AGAP1: variants seen among roughly 807,000 people sequenced by gnomAD.
AGAP1 encodes the protein arf-GAP with GTPase, ANK repeat and PH domain-containing protein 1.
Under a neutral mutation model 105.3 loss-of-function variants are expected in AGAP1, and 29 were observed. The ratio of observed to expected loss-of-function variants is 0.28; its 90% CI spans 0.21 to 0.38. The LOEUF (loss-of-function observed/expected upper bound fraction) is 0.38. Among genes scored for constraint, AGAP1 ranks in the 10% least tolerant of loss-of-function variants. The pLI is 1.00. For synonymous variants in AGAP1, 509 were observed against 485.9 expected (o/e 1.05, Z -0.63); for missense variants, 998 against 1,165.1 (o/e 0.86, Z 2.09).
At chr2:235,510,509 C>G (rs1942025030) in intron 1 of AGAP1, among the ~76,000 whole-genome samples, 1 of 152,166 alleles carries the variant, frequency 6.6e-6, no homozygotes, top group African/African-American at 2.4e-5. Context: ...TGTGAACATT[C>G]ACGTGCAAGT....
At chr2:235,998,927 A>T (rs2055942370) in intron 13 of AGAP1, among the ~76,000 whole-genome samples, 2 of 149,982 alleles carry the variant, frequency 1.3e-5, no homozygotes, top group South Asian at 4.3e-4. Context: ...TAGTATGATG[A>T]TCAATATGGT....
chr2:235,571,677 C>G (rs898446831), intron 1 of AGAP1, among the ~76,000 whole-genome samples: 1 of 152,098 alleles, frequency 6.6e-6, no homozygotes, highest in Non-Finnish European at 1.5e-5. Flanking sequence ...TTAAAGGCAA[C>G]TCACCTGGGA....
In AGAP1 at chr2:235,752,148, A is replaced by G. The variant is rs143821598; in HGVS notation, c.673+1660A>G. ...AGATGAAGGGTCCCCAGGCCCGTGC[A>G]TGAGGCCAGCTGCCTGTTTTCATAA... On this transcript the variant is annotated intron_variant, in intron 6 of 17. Coordinates refer to ENST00000304032, the MANE Select transcript of AGAP1 (RefSeq NM_001037131.3). This position sits in a 1 kb window ranked among gnomAD's most constrained non-coding sequence, Gnocchi z 4.3. Among the ~76,000 whole-genome samples the G allele has an allele frequency of 4.1e-3, 619 of 152,316 alleles. 6 individuals are homozygous for G. The highest frequency in any genetic ancestry group is 0.014 in the African/African-American group (588 of 41,568).
At chr2:236,034,557 T>C (rs2057322220) in intron 13 of AGAP1, among the ~76,000 whole-genome samples, 1 of 151,920 alleles carries the variant, frequency 6.6e-6, no homozygotes. Context: ...TGTCACCAGC[T>C]CTCCAGAAAT....
intron 13 of AGAP1, among the ~76,000 whole-genome samples, chr2:235,991,482 G>A (rs2055561121): frequency 6.6e-6 from 1 of 152,196 alleles, no homozygotes; most frequent in Non-Finnish European, 1.5e-5. Flanking sequence ...GACTGAGGTG[G>A]GAAGGTCGCT....
chr2:235,793,222 C>G lies in AGAP1; in HGVS notation c.674-4537C>G, dbSNP rs903247007. 3.3e-5 allele frequency among the ~76,000 whole-genome samples: 5 copies of G among 152,156 alleles called. No homozygotes were observed. Among genetic ancestry groups the G allele is most frequent in the African/African-American group, 1.2e-4 (5 of 41,444 alleles). On this transcript the variant is annotated intron_variant, in intron 6 of 17. Coordinates refer to ENST00000304032, the MANE Select transcript of AGAP1 (RefSeq NM_001037131.3). The surrounding 1 kb of genome is among the most constrained non-coding windows in gnomAD (Gnocchi z 5.3). Reference sequence around the variant, plus strand: ...TTGCAGAGAGCAGGAGAGGCAGAGTCGAGCAGCATCCCCGGGCTTTCCAGA... The same window carrying G: ...TTGCAGAGAGCAGGAGAGGCAGAGTGGAGCAGCATCCCCGGGCTTTCCAGA...
rs1219292591 is a variant in AGAP1 at position 236,083,831 on chromosome 2, T to TTAAATGAA, written c.2114+34551_2114+34552insAAATGAAT. Among the ~76,000 whole-genome samples, 1 of 152,142 alleles carries TTAAATGAA rather than the reference T, an allele frequency of 6.6e-6. No homozygotes were observed. The highest frequency in any genetic ancestry group is 6.5e-5 in the Admixed American group (1 of 15,274). ...AAGGAGTGCCTCTTCTGAGATCCCA[T>TTAAATGAA]TCGATGCTCTGCCCTCAATTAAATG... On this transcript the variant is annotated intron_variant, in intron 16 of 17. Coordinates refer to ENST00000304032, the MANE Select transcript of AGAP1 (RefSeq NM_001037131.3). The surrounding 1 kb of genome is among the most constrained non-coding windows in gnomAD (Gnocchi z 5.3).
At position 235,712,085 on chromosome 2, in the gene AGAP1, C is replaced by T. The variant is rs949233125; in HGVS notation, c.222+2848C>T. Among the ~76,000 whole-genome samples, 6 of 151,940 alleles carry T rather than the reference C, an allele frequency of 3.9e-5. No homozygotes were observed. The highest frequency in any genetic ancestry group is 1.3e-4 in the Admixed American group (2 of 15,268). On this transcript the variant is annotated intron_variant, in intron 2 of 17. Coordinates refer to ENST00000304032, the MANE Select transcript of AGAP1 (RefSeq NM_001037131.3). This position sits in a 1 kb window ranked among gnomAD's most constrained non-coding sequence, Gnocchi z 6.0. ...TGTCACCCAGGCTGGAGTGCAGTGGCGCCATCTCGGCTCACTGCAACCTGC... is the reference window on the plus strand; with the variant it reads ...TGTCACCCAGGCTGGAGTGCAGTGGTGCCATCTCGGCTCACTGCAACCTGC...
rs78039661 is a variant in AGAP1, at chr2:236,073,014, T to C, written c.2114+23733T>C. 1.3e-5 allele frequency among the ~76,000 whole-genome samples: 2 copies of C among 151,630 alleles called. No individual in the cohort carries two copies. The highest frequency in any genetic ancestry group is 2.9e-5 in the Non-Finnish European group (2 of 67,980). ...GATATTTATATTCTTTTTTTTTTTT[T>C]CCTAGACAGTCTCGCTGTGTCTCCA... is the stretch of plus-strand genomic sequence containing the variant. On this transcript the variant is annotated intron_variant, in intron 16 of 17. Transcript: ENST00000304032. This position sits in a 1 kb window ranked among gnomAD's most constrained non-coding sequence, Gnocchi z 5.4.
chr2:235,911,791 T>C (rs142780492), intron 11 of AGAP1, among the ~76,000 whole-genome samples: 5 of 152,326 alleles, frequency 3.3e-5, no homozygotes, highest in Non-Finnish European at 5.9e-5. Flanking sequence ...CAGCCCTCAG[T>C]GTGTAACAGG....
At chr2:235,500,118 G>T (rs1941500061) in intron 1 of AGAP1, among the ~76,000 whole-genome samples, 1 of 152,116 alleles carries the variant, frequency 6.6e-6, no homozygotes, top group Admixed American at 6.5e-5. Context: ...GGAAGCAAAA[G>T]ATTTGCTTGC....
rs1039214651 is a variant in AGAP1, at chr2:235,635,193, C to T, written c.164-73986C>T. On this transcript the variant is annotated intron_variant, in intron 1 of 17. Coordinates refer to ENST00000304032, the MANE Select transcript of AGAP1 (RefSeq NM_001037131.3). The surrounding 1 kb of genome is among the most constrained non-coding windows in gnomAD (Gnocchi z 5.3). ...GTCCTGAGTGTTGATGCCAGCCTTA[C>T]CCTGACCCTGTGTGTGGCAGCAGTG... Among the ~76,000 whole-genome samples the T allele has an allele frequency of 1.3e-5, 2 of 152,152 alleles. No homozygotes were observed. Among genetic ancestry groups the T allele is most frequent in the Non-Finnish European group, 2.9e-5 (2 of 68,044 alleles).
chr2:235,700,890 TATATAATGTATAATATATGC>T lies in AGAP1; in HGVS notation c.164-8283_164-8264del, dbSNP rs1339997197. 6.8e-6 allele frequency among the ~76,000 whole-genome samples: 1 copy of T among 147,966 alleles called. No homozygotes were observed. Among genetic ancestry groups the T allele is most frequent in the Non-Finnish European group, 1.5e-5 (1 of 67,282 alleles). ...ACATAGTATATATTTATAATATATGTATATAATGTATAATATATGCATATATTATGTATTACACATGCTAG... is the reference window on the plus strand; with the variant it reads ...ACATAGTATATATTTATAATATATGTATATATTATGTATTACACATGCTAG... On this transcript the variant is annotated intron_variant, in intron 1 of 17. Coordinates refer to ENST00000304032, the MANE Select transcript of AGAP1 (RefSeq NM_001037131.3). The surrounding 1 kb of genome is among the most constrained non-coding windows in gnomAD (Gnocchi z 6.1).
intron 1 of AGAP1, among the ~76,000 whole-genome samples, chr2:235,591,369 G>A (rs984372134): frequency 6.6e-6 from 1 of 152,226 alleles, no homozygotes; most frequent in African/African-American, 2.4e-5. Flanking sequence ...GAACGAGGGG[G>A]AGTGGAGTGG....
chr2:236,080,205 G>T lies in AGAP1; in HGVS notation c.2114+30924G>T, dbSNP rs2058745452. The stretch of plus-strand genomic sequence containing the variant: ...TCTCCATCATCCAAGGCTGTTTCCT[G>T]TGCATGTTCTTGGAAAGATAGTTGG... On this transcript the variant is annotated intron_variant, in intron 16 of 17. Transcript: ENST00000304032. This position sits in a 1 kb window ranked among gnomAD's most constrained non-coding sequence, Gnocchi z 4.2. 6.6e-6 allele frequency among the ~76,000 whole-genome samples: 1 copy of T among 152,194 alleles called. No homozygotes were observed.
chr2:235,848,163 C>T (rs1016911159), intron 9 of AGAP1, among the ~76,000 whole-genome samples: 6 of 152,146 alleles, frequency 3.9e-5, no homozygotes, highest in Non-Finnish European at 7.3e-5. Flanking sequence ...CTCATACAGC[C>T]GTCCCCACTC....
At position 235,535,351 on chromosome 2, in the gene AGAP1, A is replaced by G. The variant is rs974910638; in HGVS notation, c.163+40502A>G. Among the ~76,000 whole-genome samples the G allele has an allele frequency of 1.3e-5, 2 of 152,116 alleles. No homozygotes were observed. The highest frequency in any genetic ancestry group is 4.8e-5 in the African/African-American group (2 of 41,428). ...AATGAAGTACTGCATGCGACGAGCA[A>G]GTTTATTGAAGAGGGTGTGAGGTCG... On this transcript the variant is annotated intron_variant, in intron 1 of 17. Coordinates refer to ENST00000304032, the MANE Select transcript of AGAP1 (RefSeq NM_001037131.3). This position sits in a 1 kb window ranked among gnomAD's most constrained non-coding sequence, Gnocchi z 5.1.
intron 2 of AGAP1, among the ~76,000 whole-genome samples, chr2:235,711,652 A>G (rs1337615892): frequency 1.3e-5 from 2 of 152,204 alleles, no homozygotes; most frequent in African/African-American, 2.4e-5. Flanking sequence ...CTCTAGCCCA[A>G]GTGCCTTCTT....
intron 1 of AGAP1, chr2:235,524,490 T>G: frequency 1.2e-5 from 4 of 335,934 alleles, no homozygotes; most frequent in Non-Finnish European, 1.3e-5. Flanking sequence ...GGCAGTTGCT[T>G]GTCCTTGCTG....
Sources: allele counts gnomAD v4.1 joint callset (sites outside exome capture counted in the v4.1 genomes callset), GRCh38; gene constraint gnomAD v4.1.1; non-coding constraint Gnocchi (gnomAD v3.1); transcripts MANE v1.5; gene names NCBI Gene and HGNC (gene_info 2026-07-23, HGNC 2026-07-21).